Variants in PDE6D observed in about 807,000 individuals in gnomAD.
The protein encoded by PDE6D is phosphodiesterase 6D, also known as retinal rod rhodopsin-sensitive cGMP 3',5'-cyclic phosphodiesterase subunit delta.
PDE6D carries 10 observed loss-of-function variants against 21.9 expected under a neutral mutation model. The ratio of observed to expected loss-of-function variants is 0.46; its 90% CI spans 0.28 to 0.78. The LOEUF is 0.78. PDE6D is among the 30% of genes least tolerant of loss of function. PDE6D has a pLI of 0.12. For synonymous variants in PDE6D, 59 were observed against 63.5 expected (o/e 0.93, Z 0.34); for missense variants, 139 against 184.8 (o/e 0.75, Z 1.44).
intron 1 of PDE6D, 25 bp downstream of exon 1, chr2:231,781,040 C>T: frequency 6.2e-7 from 1 of 1,606,386 alleles, no homozygotes; most frequent in Non-Finnish European, 8.5e-7. Context: ...GTCCTCCCGG[C>T]CCCGCCCCGC....
intron 1 of PDE6D, among the ~76,000 whole-genome samples, chr2:231,756,357 A>C (rs1246753860): frequency 6.6e-6 from 1 of 152,242 alleles, no homozygotes; most frequent in Non-Finnish European, 1.5e-5. Context: ...TTTCCACATC[A>C]TAATGTACAT....
chr2:231,770,128 T>C (rs531232102), intron 1 of PDE6D, among the ~76,000 whole-genome samples: 3 of 152,214 alleles, frequency 2.0e-5, no homozygotes, highest in African/African-American at 7.2e-5. Context: ...CGTTGTGGGA[T>C]AAATTTTGTG....
intron 1 of PDE6D, among the ~76,000 whole-genome samples, chr2:231,746,398 C>G (rs1401177528): frequency 6.6e-6 from 1 of 152,188 alleles, no homozygotes; most frequent in Non-Finnish European, 1.5e-5. Flanking sequence ...CTGCCTCGGT[C>G]TCCCAAAGTG....
chr2:231,767,887 G>A (rs918582303), intron 1 of PDE6D, among the ~76,000 whole-genome samples: 8 of 149,902 alleles, frequency 5.3e-5, no homozygotes, highest in Non-Finnish European at 5.9e-5. Context: ...GGCCCAGAGT[G>A]GAGTGCAGTA....
Position 231,781,161 on chromosome 2 carries a change from C to A in PDE6D, c.-47G>T. On this transcript the variant is annotated 5_prime_UTR_variant, in exon 1 of 5. Transcript: ENST00000287600. Reference sequence around the variant, plus strand: ...GGCTTTCTCACTCTGGTCGGCGGAGCCTCGCAGACGGTGCCCAGGAGCCGA... The same window carrying A: ...GGCTTTCTCACTCTGGTCGGCGGAGACTCGCAGACGGTGCCCAGGAGCCGA... The A allele has an allele frequency of 1.3e-6, 2 of 1,596,186 alleles. No homozygotes were observed. Among genetic ancestry groups the A allele is most frequent in the East Asian group, 4.5e-5 (2 of 44,644 alleles).
At chr2:231,780,952 G>T in intron 1 of PDE6D, 113 bp downstream of exon 1, 1 of 935,748 alleles carries the variant, frequency 1.1e-6, no homozygotes, top group Non-Finnish European at 1.7e-6. Context: ...CTCCCCTCCC[G>T]CGGCCCTTCT....
intron 3 of PDE6D, 190 bp downstream of exon 3, chr2:231,737,823 C>T: frequency 1.8e-6 from 1 of 563,504 alleles, no homozygotes; most frequent in Non-Finnish European, 3.1e-6. Context: ...CCTCAAAGCC[C>T]CTTGTAGTGG....
intron 1 of PDE6D, among the ~76,000 whole-genome samples, chr2:231,777,072 T>C (rs921259753): frequency 1.3e-5 from 2 of 152,132 alleles, no homozygotes; most frequent in South Asian, 2.1e-4. Context: ...ATAAAAAAGA[T>C]TGACCTAGTC....
intron 1 of PDE6D, among the ~76,000 whole-genome samples, chr2:231,762,383 C>T (rs1198668429): frequency 7.6e-5 from 10 of 130,994 alleles, no homozygotes; most frequent in African/African-American, 1.5e-4. Flanking sequence ...CTTGCTCTGT[C>T]GACCAGGCTG....
chr2:231,773,992 G>A (rs1258382336), intron 1 of PDE6D, among the ~76,000 whole-genome samples: 1 of 152,046 alleles, frequency 6.6e-6, no homozygotes, highest in Non-Finnish European at 1.5e-5. Flanking sequence ...GGAGTGCACT[G>A]GCGTGATCTC....
At chr2:231,735,238 T>C (rs1279509694) in intron 4 of PDE6D, among the ~76,000 whole-genome samples, 1 of 97,906 alleles carries the variant, frequency 1.0e-5, no homozygotes, top group Non-Finnish European at 2.1e-5. Flanking sequence ...CGAGACTCCA[T>C]ATCAAAAAAA....
chr2:231,768,380 G>A (rs2048989089), intron 1 of PDE6D, among the ~76,000 whole-genome samples: 1 of 152,020 alleles, frequency 6.6e-6, no homozygotes, highest in Non-Finnish European at 1.5e-5. Flanking sequence ...TCCTATTCAA[G>A]TGATAATCCT....
intron 1 of PDE6D, among the ~76,000 whole-genome samples, chr2:231,753,183 G>T (rs1478339591): frequency 6.6e-6 from 1 of 150,728 alleles, no homozygotes. Context: ...TTCTCCTCCA[G>T]TCTCTGGTCC....
At chr2:231,781,000 C>G in intron 1 of PDE6D, 65 bp downstream of exon 1, 1 of 1,414,452 alleles carries the variant, frequency 7.1e-7, no homozygotes, top group Non-Finnish European at 9.9e-7. Context: ...CGCCCCCGGC[C>G]AGTCTCCTCA....
At chr2:231,738,919 C>CAAAAAAAAA (rs1157734125) in intron 2 of PDE6D, among the ~76,000 whole-genome samples, 181 bp downstream of exon 2, 2 of 62,646 alleles carry the variant, frequency 3.2e-5, no homozygotes, top group East Asian at 6.5e-4. Context: ...GACTGTGTCT[C>CAAAAAAAAA]AAAAAAAAAA....
At position 231,740,659 on chromosome 2, in the gene PDE6D, C is replaced by T. The variant is rs1410582759; in HGVS notation, c.51-1471G>A. On this transcript the variant is annotated intron_variant, in intron 1 of 4. Coordinates refer to ENST00000287600, the MANE Select transcript of PDE6D (RefSeq NM_002601.4). ...TCATGCGACTGCACTCCAGCCTGGG[C>T]GACAGAGGGAGACCCTGTCTCAAAA... Among the ~76,000 whole-genome samples the T allele has an allele frequency of 1.0e-4, 13 of 123,934 alleles. 1 individual carries two copies. In the South Asian group the frequency reaches 1.5e-3, roughly 15 times the overall value. The allele number at this position is 123,934 out of a possible 152,430, so 81.3% of individuals were successfully genotyped here.
At chr2:231,775,986 A>C (rs559658273) in intron 1 of PDE6D, among the ~76,000 whole-genome samples, 1 of 152,306 alleles carries the variant, frequency 6.6e-6, no homozygotes, top group Admixed American at 6.5e-5. Flanking sequence ...TTGATGAAAA[A>C]GCTATTCAAA....
At chr2:231,736,280 AGAGAT>A (rs1479878620) in intron 4 of PDE6D, among the ~76,000 whole-genome samples, 1 of 152,202 alleles carries the variant, frequency 6.6e-6, no homozygotes, top group Admixed American at 6.5e-5. Flanking sequence ...AACTGTTGAA[AGAGAT>A]GATCCAATAT....
intron 4 of PDE6D, among the ~76,000 whole-genome samples, chr2:231,736,258 CT>C (rs2048701618): frequency 1.3e-5 from 2 of 152,078 alleles, no homozygotes; most frequent in Non-Finnish European, 2.9e-5. Context: ...TTCAATATGG[CT>C]TTCATAAAGG....
Sources: allele counts gnomAD v4.1 joint callset (sites outside exome capture counted in the v4.1 genomes callset), GRCh38; gene constraint gnomAD v4.1.1; transcripts MANE v1.5; gene names NCBI Gene and HGNC (gene_info 2026-07-23, HGNC 2026-07-21).